VWA8: variants seen among roughly 807,000 people sequenced by gnomAD.
VWA8 encodes von Willebrand factor A domain containing 8.
In VWA8, 221 loss-of-function variants were observed where a neutral mutation model predicts 241.5. The ratio of observed to expected loss-of-function variants is 0.91; its 90% confidence interval spans 0.82 to 1.02. The LOEUF (loss-of-function observed/expected upper bound fraction) is 1.02. Among genes scored for constraint, VWA8 ranks in the 50% least tolerant of loss-of-function variants. The probability of loss-of-function intolerance (pLI) is 0.00; values close to 1 mark genes in which losing one functional copy is unlikely to be tolerated. For synonymous variants in VWA8, 852 were observed against 827.1 expected (o/e 1.03, Z -0.52); for missense variants, 2,322 against 2,328.7 (o/e 1.00, Z 0.06).
intron 17 of VWA8, among the ~76,000 whole-genome samples, chr13:41,805,421 G>C (rs979766674): frequency 1.6e-4 from 24 of 152,086 alleles, no homozygotes; most frequent in Non-Finnish European, 7.4e-5. Context: ...ATATATAAAA[G>C]CAAATATTTT....
intron 20 of VWA8, among the ~76,000 whole-genome samples, chr13:41,775,065 G>A (rs1469210503): frequency 6.6e-6 from 1 of 152,164 alleles, no homozygotes; most frequent in Admixed American, 6.6e-5. Flanking sequence ...GGGAAACAGA[G>A]TATTTAATTT....
At chr13:41,575,637 C>CT (rs2139635696) in intron 43 of VWA8, 103 bp downstream of exon 43, 3 of 784,730 alleles carry the variant, frequency 3.8e-6, no homozygotes, top group African/African-American at 3.5e-5. Flanking sequence ...GTGAAACAGT[C>CT]TTTTTCTTTC....
Position 41,783,894 on chromosome 13 carries a change from T to C in VWA8, c.2178A>G (p.Val726=). The C allele has an allele frequency of 6.2e-7, 1 of 1,612,932 alleles. No homozygotes were observed. The highest frequency in any genetic ancestry group is 8.5e-7 in the Non-Finnish European group (1 of 1,179,236). Residue 726 remains valine (V), a synonymous_variant, in exon 19 of 45, where the codon GTA becomes GTG. Transcript: ENST00000379310. ...EPELKDYKCE[V]TSGTLRIGAV... Reference sequence around the variant, plus strand: ...CACCAATCCTCAGAGTTCCAGATGTTACTTCACCTAAACATTTCACACAGG... The same window carrying C: ...CACCAATCCTCAGAGTTCCAGATGTCACTTCACCTAAACATTTCACACAGG...
At chr13:41,843,804 C>T (rs968015082) in intron 12 of VWA8, among the ~76,000 whole-genome samples, 1 of 151,974 alleles carries the variant, frequency 6.6e-6, no homozygotes, top group African/African-American at 2.4e-5. Flanking sequence ...AACTGAAACC[C>T]GAAACAGACC....
At chr13:41,690,565 T>C (rs990467468) in intron 32 of VWA8, among the ~76,000 whole-genome samples, 3 of 152,120 alleles carry the variant, frequency 2.0e-5, no homozygotes, top group South Asian at 2.1e-4. Context: ...CTTATTATCA[T>C]GTAACCCTCT....
At chr13:41,721,349 A>G in intron 25 of VWA8, 21 bp downstream of exon 25, 1 of 1,611,960 alleles carries the variant, frequency 6.2e-7, no homozygotes, top group Non-Finnish European at 8.5e-7. Context: ...GCTCTTAGGT[A>G]CAGGTGTGTG....
intron 9 of VWA8, among the ~76,000 whole-genome samples, chr13:41,877,250 T>G (rs1395318579): frequency 6.6e-6 from 1 of 151,990 alleles, no homozygotes; most frequent in East Asian, 1.9e-4. Context: ...TTCTCTCATA[T>G]CTCCCTTAAC....
chr13:41,763,190 G>A (rs1274362416), intron 20 of VWA8, among the ~76,000 whole-genome samples: 1 of 152,086 alleles, frequency 6.6e-6, no homozygotes, highest in African/African-American at 2.4e-5. Flanking sequence ...TTGGGAGGCT[G>A]AGGTGGAAGG....
chr13:41,851,502 T>C (rs566494779), intron 12 of VWA8, among the ~76,000 whole-genome samples: 2 of 152,308 alleles, frequency 1.3e-5, no homozygotes, highest in African/African-American at 2.4e-5. Flanking sequence ...GGGGAAGTAA[T>C]TGAATCATGG....
chr13:41,719,330 G>C, intron 26 of VWA8: 1 of 1,286,036 alleles, frequency 7.8e-7, no homozygotes, highest in Non-Finnish European at 9.9e-7. Context: ...CAAAAGGACT[G>C]AGACTGTTAA....
chr13:41,813,846 A>C (rs1469139462), intron 16 of VWA8, among the ~76,000 whole-genome samples: 1 of 152,142 alleles, frequency 6.6e-6, no homozygotes, highest in East Asian at 1.9e-4. Context: ...TGTATTTAAC[A>C]TTTATATCAA....
At chr13:41,798,960 T>G (rs1432967886) in intron 17 of VWA8, among the ~76,000 whole-genome samples, 1 of 152,212 alleles carries the variant, frequency 6.6e-6, no homozygotes, top group Non-Finnish European at 1.5e-5. Context: ...TTGTTTTCTT[T>G]CAATGACTAT....
chr13:41,802,477 G>A (rs548319635), intron 17 of VWA8, among the ~76,000 whole-genome samples: 1 of 152,312 alleles, frequency 6.6e-6, no homozygotes, highest in African/African-American at 2.4e-5. Flanking sequence ...CGGTAGAGTT[G>A]GAGTGCATGT....
At chr13:41,882,130 C>T (rs1407381510) in intron 9 of VWA8, among the ~76,000 whole-genome samples, 1 of 131,222 alleles carries the variant, frequency 7.6e-6, no homozygotes, top group African/African-American at 2.9e-5. Flanking sequence ...CAGACGGGGT[C>T]GCGGCCGGGT....
intron 1 of VWA8, chr13:41,955,730 T>G (rs1176927268): frequency 6.6e-6 from 1 of 152,202 alleles, no homozygotes; most frequent in Non-Finnish European, 1.5e-5. Flanking sequence ...GGAGTCCTTA[T>G]GTAATGAATT....
chr13:41,724,686 GA>G (rs2045418396), intron 24 of VWA8, among the ~76,000 whole-genome samples: 1 of 152,156 alleles, frequency 6.6e-6, no homozygotes, highest in South Asian at 2.1e-4. Context: ...AAATCTAAAA[GA>G]AAGTCAGTAA....
At chr13:41,807,977 A>G (rs1198548109) in intron 17 of VWA8, 5 of 152,196 alleles carry the variant, frequency 3.3e-5, no homozygotes, top group African/African-American at 1.2e-4. Context: ...CACTTCACAT[A>G]TGATGATACA....
At chr13:41,689,927 T>C (rs1454281915) in intron 33 of VWA8, among the ~76,000 whole-genome samples, 1 of 152,106 alleles carries the variant, frequency 6.6e-6, no homozygotes, top group Non-Finnish European at 1.5e-5. Context: ...CCTAAATGTA[T>C]ATAAAAATAC....
chr13:41,685,250 A>C lies in VWA8; in HGVS notation c.4132-8T>G. The stretch of plus-strand genomic sequence containing the variant: ...ATAAACTTCACTGGGTGACTGAAAA[A>C]AAGAAAGAGATTAAAGTACTGAAGT... On this transcript the variant is annotated splice_region_variant and splice_polypyrimidine_tract_variant and intron_variant, in intron 34 of 44. Transcript: ENST00000379310. The C allele has an allele frequency of 6.2e-7, 1 of 1,608,838 alleles. No individual in the cohort carries two copies. Among genetic ancestry groups the C allele is most frequent in the Non-Finnish European group, 8.5e-7 (1 of 1,178,248 alleles).
Sources: gnomAD v4.1 joint callset for allele counts (sites outside exome capture counted in the v4.1 genomes callset) on GRCh38, gnomAD v4.1.1 for gene constraint, MANE v1.5 for transcripts, NCBI Gene and HGNC (gene_info 2026-07-23, HGNC 2026-07-21) for gene names.